Variants in TAF1 observed in about 807,000 individuals in gnomAD.
The protein encoded by TAF1 is transcription initiation factor TFIID subunit 1.
A neutral mutation model predicts 138.5 loss-of-function variants in TAF1; 2 were observed. The ratio of observed to expected loss-of-function variants is 0.01; its 90% confidence interval spans 0.01 to 0.05. The LOEUF is 0.05. Ranked by LOEUF, TAF1 falls within the 10% of genes least tolerant of loss-of-function variation. The probability of loss-of-function intolerance (pLI) is 1.00; values close to 1 mark genes in which losing one functional copy is unlikely to be tolerated. For missense variants in TAF1, 709 were observed against 1,478.0 expected (o/e 0.48, Z 8.53); for synonymous variants, 437 against 503.2 (o/e 0.87, Z 1.76).
chrX:71,372,432 CAAAAAAAAAAAAAA>C (rs41384445), intron 3 of TAF1, among the ~76,000 whole-genome samples: 4 of 28,537 alleles, frequency 1.4e-4, no homozygotes, highest in African/African-American at 6.1e-4. Flanking sequence ...AACTCTGCCT[CAAAAAAAAAAAAAA>C]AAAAAAAAAA....
At chrX:71,471,262 G>A (rs1230084444) in intron 13 of TAF1, among the ~76,000 whole-genome samples, 3 of 102,043 alleles carry the variant, frequency 2.9e-5, no homozygotes, top group African/African-American at 1.1e-4. Flanking sequence ...GGGTTGCAGT[G>A]AACCGAGATC....
chrX:71,420,502 T>C, intron 28 of TAF1: 1 of 1,205,572 alleles, frequency 8.3e-7, no homozygotes, highest in Non-Finnish European at 1.1e-6. Flanking sequence ...TCGGCCTCCA[T>C]CTTCTCCTCA....
At chrX:71,459,001 C>T in intron 35 of TAF1, 1 of 262,412 alleles carries the variant, frequency 3.8e-6, no homozygotes, top group South Asian at 4.8e-5. Flanking sequence ...GGGGAAAATG[C>T]GCATGCCTTG....
intron 13 of TAF1, among the ~76,000 whole-genome samples, chrX:71,508,759 T>TGC (rs1356681224): frequency 9.4e-6 from 1 of 106,942 alleles, no homozygotes; most frequent in African/African-American, 3.5e-5. Flanking sequence ...TGTGTGTGTG[T>TGC]GTGCGCGCAT....
chrX:71,513,486 C>T (rs1454345809), intron 13 of TAF1, among the ~76,000 whole-genome samples: 2 of 111,072 alleles, frequency 1.8e-5, no homozygotes, highest in African/African-American at 6.6e-5. Flanking sequence ...TTAGCTGTAC[C>T]CACCCAACGT....
At chrX:71,462,361 A>G (rs1366231787) in intron 37 of TAF1, among the ~76,000 whole-genome samples, 1 of 111,484 alleles carries the variant, frequency 9.0e-6, no homozygotes, top group Non-Finnish European at 1.9e-5. Context: ...GCAGATCACA[A>G]GGTCAAGAGA....
At chrX:71,417,553 A>G (rs911315549) in intron 28 of TAF1, among the ~76,000 whole-genome samples, 1 of 109,589 alleles carries the variant, frequency 9.1e-6, no homozygotes, top group Non-Finnish European at 1.9e-5. Flanking sequence ...TTGTAGAGAC[A>G]GGGTTTCGTC....
At chrX:71,411,045 A>T (rs1569317685) in intron 28 of TAF1, among the ~76,000 whole-genome samples, 4 of 109,935 alleles carry the variant, frequency 3.6e-5, no homozygotes, top group Admixed American at 2.0e-4. Context: ...AGCCTCCCAA[A>T]GTGCTGGGAT....
intron 34 of TAF1, among the ~76,000 whole-genome samples, chrX:71,457,078 AG>A (rs2038340455): frequency 8.9e-6 from 1 of 112,136 alleles, no homozygotes; most frequent in African/African-American, 3.2e-5. Context: ...ACTGTGCCGT[AG>A]GGTTTTGCAG....
At chrX:71,455,682 A>G (rs2038246153) in intron 34 of TAF1, among the ~76,000 whole-genome samples, 1 of 112,430 alleles carries the variant, frequency 8.9e-6, no homozygotes. Flanking sequence ...AATCTTTTCA[A>G]GATTGTTGTA....
chrX:71,511,231 TGTA>T (rs2039726522), intron 13 of TAF1, among the ~76,000 whole-genome samples: 1 of 112,614 alleles, frequency 8.9e-6, no homozygotes, highest in Non-Finnish European at 1.9e-5. Flanking sequence ...GGATGATATC[TGTA>T]GTAGCCATTT....
chrX:71,491,595 C>T (rs1277572612), intron 13 of TAF1: 1 of 109,649 alleles, frequency 9.1e-6, no homozygotes, highest in Non-Finnish European at 1.9e-5. Context: ...TGTCTGCCAA[C>T]GAAAACAAAA....
intron 32 of TAF1, among the ~76,000 whole-genome samples, chrX:71,442,843 G>GT (rs1181929917): frequency 8.9e-5 from 10 of 111,930 alleles, no homozygotes; most frequent in African/African-American, 3.2e-4. Context: ...TTTGTATAAG[G>GT]TGTAAGGAAG....
chrX:71,512,787 C>T (rs148495532), intron 13 of TAF1, among the ~76,000 whole-genome samples: 3,589 of 110,633 alleles, frequency 0.032, 73 homozygotes, highest in Non-Finnish European at 0.048. Context: ...CACTGCACTC[C>T]AGCCTGGACA....
rs1243852648 is a variant in TAF1 at position 71,458,268 on chromosome X, T to G, written c.4966T>G (p.Ser1656Ala). 8.3e-7 allele frequency: 1 copy of G among 1,210,346 alleles called. No homozygotes were observed. Among genetic ancestry groups the G allele is most frequent in the African/African-American group, 1.7e-5 (1 of 57,408 alleles). Residue 1656 changes from serine (S) to alanine (A), a missense_variant, in exon 35 of 38, where the codon TCC becomes GCC. By Grantham distance (99) the Ser-to-Ala change is moderately conservative (BLOSUM62 1). This residue lies in a region of TAF1 where 123 missense variants were observed against 174.7 expected (regional missense o/e 0.70). Coordinates refer to ENST00000423759, the MANE Select transcript of TAF1 (RefSeq NM_004606.5). ...QPPDLYDTNT[S>A]LSMSRDASVF... ...TCCTGATTTGTATGATACCAACACA[T>G]CCCTCAGTATGTCTCGAGATGCCTC...
At chrX:71,519,166 C>CA (rs2039878963) in intron 13 of TAF1, among the ~76,000 whole-genome samples, 1 of 107,636 alleles carries the variant, frequency 9.3e-6, no homozygotes, top group Non-Finnish European at 1.9e-5. Context: ...ACTAAAAATA[C>CA]AAAAAATCAG....
chrX:71,480,753 G>A (rs905003938), intron 13 of TAF1, among the ~76,000 whole-genome samples: 1 of 111,569 alleles, frequency 9.0e-6, no homozygotes, highest in Non-Finnish European at 1.9e-5. Context: ...GGAGAGAGTT[G>A]CTATTTTAGA....
intron 13 of TAF1, chrX:71,492,943 C>A (rs1233507531): frequency 1.8e-5 from 2 of 112,958 alleles, no homozygotes; most frequent in African/African-American, 3.2e-5. Flanking sequence ...CTCGGCCCGG[C>A]CTCCGGCATT....
downstream of TAF1, among the ~76,000 whole-genome samples, chrX:71,468,501 C>G (rs1431145810): frequency 3.7e-5 from 4 of 108,299 alleles, no homozygotes; most frequent in African/African-American, 1.3e-4. Flanking sequence ...GCCTGGCCAA[C>G]ATGGTGAAAC....
Sources: gnomAD v4.1 joint callset for allele counts (sites outside exome capture counted in the v4.1 genomes callset) on GRCh38, gnomAD v4.1.1 for gene constraint, gnomAD v4.1.1 regional missense constraint, MANE v1.5 for transcripts, NCBI Gene and HGNC (gene_info 2026-07-23, HGNC 2026-07-21) for gene names.